TSGA13: variants seen among roughly 807,000 people sequenced by gnomAD.
The protein encoded by TSGA13 is testis-specific gene 13 protein.
In TSGA13, 37 loss-of-function variants were observed where a neutral mutation model predicts 35.1. The observed-to-expected ratio is 1.05, with a 90% CI of 0.81 to 1.39. TSGA13 has a LOEUF of 1.39. Among genes scored for constraint, TSGA13 ranks in the 40% most tolerant of loss-of-function variants. TSGA13 has a pLI of 0.00. For missense variants in TSGA13, 338 were observed against 328.5 expected (o/e 1.03, Z -0.22); for synonymous variants, 124 against 121.2 (o/e 1.02, Z -0.15).
intron 7 of TSGA13, among the ~76,000 whole-genome samples, chr7:130,670,562 C>A (rs782345270): frequency 6.6e-6 from 1 of 152,146 alleles, no homozygotes; most frequent in Non-Finnish European, 1.5e-5. Flanking sequence ...CTGGATAAAA[C>A]CCAAACCTTT....
chr7:130,671,194 A>G (rs1183249780), intron 7 of TSGA13, among the ~76,000 whole-genome samples: 1 of 152,134 alleles, frequency 6.6e-6, no homozygotes, highest in Non-Finnish European at 1.5e-5. Flanking sequence ...AAAGTATAAT[A>G]TGCATACCAC....
intron 5 of TSGA13, among the ~76,000 whole-genome samples, chr7:130,674,451 A>T (rs1796364751): frequency 6.6e-6 from 1 of 152,132 alleles, no homozygotes; most frequent in Non-Finnish European, 1.5e-5. Context: ...GATTACAGGC[A>T]TGAGCCACCG....
intron 6 of TSGA13, among the ~76,000 whole-genome samples, chr7:130,672,174 G>A (rs1554463197): frequency 6.6e-6 from 1 of 152,172 alleles, no homozygotes. Flanking sequence ...ACAGGCATGA[G>A]ACACCGCGCC....
rs1041177237 is a variant in TSGA13 at position 130,686,299 on chromosome 7, T to A, written c.-188A>T. 59 of 152,312 alleles carry A rather than the reference T, an allele frequency of 3.9e-4. No homozygotes were observed. Among genetic ancestry groups the A allele is most frequent in the African/African-American group, 1.2e-3 (50 of 41,572 alleles). 9.4% of individuals were successfully genotyped at this position (152,312 alleles called of 1,614,324 possible). A position where few individuals can be genotyped will look rare whatever the true frequency, so the allele number is the denominator to read the frequency against. On this transcript the variant is annotated 5_prime_UTR_variant, in exon 1 of 8. Transcript: ENST00000356588. ...TGGAATTGTAAGTCCAATTCATGTA[T>A]ATGGTGAAACTAAAATAAAAATGAG...
At chr7:130,682,054 C>T (rs1219458969) in intron 3 of TSGA13, among the ~76,000 whole-genome samples, 2 of 152,024 alleles carry the variant, frequency 1.3e-5, no homozygotes, top group African/African-American at 4.8e-5. Context: ...ATCTTCCCTC[C>T]TCAGCATCCC....
At chr7:130,678,235 T>C (rs1189578336) in intron 5 of TSGA13, among the ~76,000 whole-genome samples, 2 of 152,052 alleles carry the variant, frequency 1.3e-5, no homozygotes, top group South Asian at 2.1e-4. Context: ...AAAAATTAGC[T>C]GGGCGTGGTG....
rs781929004 is a variant in TSGA13 at position 130,679,143 on chromosome 7, A to T, written c.387+12T>A. On this transcript the variant is annotated intron_variant, in intron 5 of 7. Coordinates refer to ENST00000356588, the MANE Select transcript of TSGA13 (RefSeq NM_052933.4). ...GGGTTCACATTTTGGGTGCCAGGAG[A>T]CTTCTGCTTACCATGACCTTGAGCA... 4 of 1,608,616 alleles carry T rather than the reference A, an allele frequency of 2.5e-6. No individual in the cohort carries two copies. In the South Asian group the frequency reaches 4.4e-5, roughly 18 times the overall value.
chr7:130,674,474 C>T (rs930513966), intron 5 of TSGA13, among the ~76,000 whole-genome samples: 2 of 152,242 alleles, frequency 1.3e-5, no homozygotes, highest in Middle Eastern at 6.8e-3. Flanking sequence ...CCCAGCAGAG[C>T]CTTCTTAACT....
At chr7:130,669,974 GT>G (rs1387737843) in intron 7 of TSGA13, among the ~76,000 whole-genome samples, 3 of 152,196 alleles carry the variant, frequency 2.0e-5, no homozygotes, top group African/African-American at 7.2e-5. Context: ...CAGAGACAGT[GT>G]AGATAATAGG....
chr7:130,681,471 A>G (rs1050588346), intron 3 of TSGA13, among the ~76,000 whole-genome samples: 1 of 152,180 alleles, frequency 6.6e-6, no homozygotes, highest in Admixed American at 6.5e-5. Context: ...TTGTGGGTGC[A>G]AGGGAGCCCT....
chr7:130,686,049 C>T (rs1796650511), intron 1 of TSGA13, among the ~76,000 whole-genome samples: 1 of 152,242 alleles, frequency 6.6e-6, no homozygotes, highest in Admixed American at 6.5e-5. Flanking sequence ...GGGGCCTTGA[C>T]AATTAAGTAG....
In TSGA13 at chr7:130,680,124, A is replaced by G. The variant is rs1033312555; in HGVS notation, c.175-757T>C. Among the ~76,000 whole-genome samples the G allele has an allele frequency of 2.0e-4, 30 of 152,186 alleles. 1 individual carries two copies. Among genetic ancestry groups the G allele is most frequent in the Admixed American group, 3.3e-4 (5 of 15,276 alleles). ...ACAGCCAAGTGCAACACCTTCCCATATTTACATCTTCCACGTAATGTTCCA... is the reference window on the plus strand; with the variant it reads ...ACAGCCAAGTGCAACACCTTCCCATGTTTACATCTTCCACGTAATGTTCCA... On this transcript the variant is annotated intron_variant, in intron 4 of 7. Coordinates refer to ENST00000356588, the MANE Select transcript of TSGA13 (RefSeq NM_052933.4).
At chr7:130,678,467 C>T (rs1182025647) in intron 5 of TSGA13, among the ~76,000 whole-genome samples, 3 of 152,144 alleles carry the variant, frequency 2.0e-5, no homozygotes, top group African/African-American at 7.2e-5. Flanking sequence ...TCATTCTTTA[C>T]TCCTTTCCCA....
chr7:130,673,767 C>T (rs1796341309), intron 5 of TSGA13, among the ~76,000 whole-genome samples: 1 of 152,124 alleles, frequency 6.6e-6, no homozygotes, highest in Middle Eastern at 3.4e-3. Flanking sequence ...GGTGTAGTAA[C>T]TGCATGGCAT....
chr7:130,685,051 C>T, intron 2 of TSGA13, 137 bp downstream of exon 2: 1 of 937,698 alleles, frequency 1.1e-6, no homozygotes, highest in Non-Finnish European at 1.6e-6. Flanking sequence ...GTTTTTGATC[C>T]AGGGACAATC....
At chr7:130,669,335 A>G (rs1226044105) in intron 7 of TSGA13, 152 bp from the exon 8 acceptor site, 1 of 825,658 alleles carries the variant, frequency 1.2e-6, no homozygotes, top group Non-Finnish European at 1.8e-6. Flanking sequence ...TTCCCAACCT[A>G]TTTTATAATT....
intron 7 of TSGA13, among the ~76,000 whole-genome samples, chr7:130,669,769 C>T (rs1796211106): frequency 6.6e-6 from 1 of 152,220 alleles, no homozygotes; most frequent in Admixed American, 6.5e-5. Flanking sequence ...TTAACTCCGA[C>T]TTGACTAAAT....
At position 130,671,722 on chromosome 7, in the gene TSGA13, C is replaced by G; in HGVS notation, c.597G>C (p.Gln199His). Residue 199 changes from glutamine to histidine, a missense_variant, in exon 7 of 8, where the codon CAG (glutamine) becomes CAC (histidine). Transcript: ENST00000356588. ...AGGTGAGCTGAGGGTACATTTTCTT[C>G]TGTGTCCTCAAAGCGTAGACTTTTG... ...KYSKVYALRT[Q>H]KKMYPQLTFA... The G allele has an allele frequency of 6.2e-7, 1 of 1,611,320 alleles. No individual in the cohort carries two copies. The highest frequency in any genetic ancestry group is 8.5e-7 in the Non-Finnish European group (1 of 1,178,114).
chr7:130,673,657 A>G (rs1224429712), intron 5 of TSGA13, among the ~76,000 whole-genome samples: 5 of 152,120 alleles, frequency 3.3e-5, no homozygotes, highest in Non-Finnish European at 5.9e-5. Flanking sequence ...TTCATATGAC[A>G]TGGCATTGGG....
Sources: gnomAD v4.1 joint callset for allele counts (sites outside exome capture counted in the v4.1 genomes callset) on GRCh38, gnomAD v4.1.1 for gene constraint, MANE v1.5 for transcripts, NCBI Gene and HGNC (gene_info 2026-07-23, HGNC 2026-07-21) for gene names.